Variants in OPRK1 observed in about 807,000 individuals in gnomAD.
OPRK1 encodes the protein opioid receptor kappa 1.
OPRK1 carries 15 observed loss-of-function variants against 24.5 expected under a neutral mutation model. The ratio of observed to expected loss-of-function variants is 0.61; its 90% CI spans 0.41 to 0.94. The LOEUF is 0.94. OPRK1 is among the 40% of genes least tolerant of loss of function. OPRK1 has a pLI of 0.00. For synonymous variants in OPRK1, 205 were observed against 198.0 expected, an observed-to-expected ratio of 1.04 and a Z score of -0.30; for missense variants, 479 against 507.3, an observed-to-expected ratio of 0.94 and a Z score of 0.54.
At position 53,250,997 on chromosome 8, in the gene OPRK1, G is replaced by A; in HGVS notation, c.41C>T (p.Pro14Leu). Residue 14 changes from proline (P) to leucine (L), a missense_variant, in exon 2 of 4, where the codon CCT (proline) becomes CTT (leucine). Pro to Leu is a moderately conservative substitution (Grantham distance 98). Transcript: ENST00000265572. ...PIQIFRGEPG[P>L]TCAPSACLPP... ...CAGGCAGGCGCTCGGGGCGCAGGTAGGGCCCGGCTCCCCGCGGAAGATCTG... is the reference window on the plus strand; with the variant it reads ...CAGGCAGGCGCTCGGGGCGCAGGTAAGGCCCGGCTCCCCGCGGAAGATCTG... 1 of 1,584,344 alleles carries A rather than the reference G, an allele frequency of 6.3e-7. No individual in the cohort carries two copies. Among genetic ancestry groups the A allele is most frequent in the Non-Finnish European group, 8.6e-7 (1 of 1,167,148 alleles).
chr8:53,238,518 C>T (rs1307812630), intron 2 of OPRK1: 1 of 985,358 alleles, frequency 1.0e-6, no homozygotes, highest in Non-Finnish European at 1.2e-6. Flanking sequence ...GAGGGCTTAC[C>T]TGGGGAACTT....
At chr8:53,249,349 GTCTTT>G (rs1382550461) in intron 2 of OPRK1, among the ~76,000 whole-genome samples, 3 of 152,134 alleles carry the variant, frequency 2.0e-5, no homozygotes, top group African/African-American at 7.2e-5. Context: ...GAATACAGTT[GTCTTT>G]TCTTTTGTCT....
chr8:53,234,205 C>CAAAAAAAAAAAAAAAAAAAAAAAAA (rs1554519153), intron 3 of OPRK1, among the ~76,000 whole-genome samples: 2 of 84,330 alleles, frequency 2.4e-5, no homozygotes, highest in African/African-American at 7.6e-5. Flanking sequence ...AAAAAAAAAT[C>CAAAAAAAAAAAAAAAAAAAAAAAAA]AGTTGGCTGG....
intron 1 of OPRK1, 27 bp from the exon 2 acceptor site, chr8:53,251,112 CGCG>C: frequency 7.1e-7 from 1 of 1,413,928 alleles, no homozygotes; most frequent in Non-Finnish European, 9.2e-7. Flanking sequence ...ACCGGCTGGA[CGCG>C]GAGAGGCAAA....
intron 2 of OPRK1, among the ~76,000 whole-genome samples, chr8:53,247,990 CAAAAAA>C (rs767911838): frequency 1.9e-4 from 6 of 32,342 alleles, no homozygotes; most frequent in Non-Finnish European, 2.9e-4. Flanking sequence ...GATTCTGTCT[CAAAAAA>C]AAAAAAAAAA....
At chr8:53,238,638 A>C in intron 2 of OPRK1, 1 of 985,382 alleles carries the variant, frequency 1.0e-6, no homozygotes. Flanking sequence ...ATCCTAGCGT[A>C]CTTCTCTTTA....
At chr8:53,237,313 T>C (rs1328242982) in intron 2 of OPRK1, among the ~76,000 whole-genome samples, 1 of 152,206 alleles carries the variant, frequency 6.6e-6, no homozygotes, top group Non-Finnish European at 1.5e-5. Context: ...TACTGTAAAA[T>C]GTAATGTGCA....
rs1288879206 is a variant in OPRK1, at chr8:53,229,758, T to C, written c.682A>G (p.Ile228Val). The change falls in exon 4 of 4, where the codon ATC (isoleucine) becomes GTC (valine). Residue 228 changes from isoleucine (I) to valine (V), a missense_variant. Transcript: ENST00000265572. ...DYSWWDLFMK[I>V]CVFIFAFVIP... is the part of the protein sequence containing the mutation. Reference sequence around the variant, plus strand: ...ACGAAGGCAAAGATGAAGACGCAGATCTTCATGAAGAGGTCCCACCAGGAG... The same window carrying C: ...ACGAAGGCAAAGATGAAGACGCAGACCTTCATGAAGAGGTCCCACCAGGAG... 1 of 1,613,348 alleles carries C rather than the reference T, an allele frequency of 6.2e-7. No individual in the cohort carries two copies. The highest frequency in any genetic ancestry group is 2.2e-5 in the East Asian group (1 of 44,850).
intron 2 of OPRK1, among the ~76,000 whole-genome samples, chr8:53,239,486 G>C (rs1203431620): frequency 6.6e-6 from 1 of 152,192 alleles, no homozygotes; most frequent in Admixed American, 6.5e-5. Flanking sequence ...CTGGTTCAGG[G>C]TTCCTGCTGA....
At chr8:53,236,125 C>A (rs181134428) in intron 2 of OPRK1, among the ~76,000 whole-genome samples, 29 of 152,276 alleles carry the variant, frequency 1.9e-4, no homozygotes, top group African/African-American at 5.1e-4. Flanking sequence ...CCATTTGATA[C>A]ATGAATTTCC....
rs369987880 is a variant in OPRK1, at chr8:53,235,382, T to C, written c.258-271A>G. ...TAGCAGAGATAGATGAATAGACATATAGATCTAGCATTGCATATAATACAG... is the reference window on the plus strand; with the variant it reads ...TAGCAGAGATAGATGAATAGACATACAGATCTAGCATTGCATATAATACAG... On this transcript the variant is annotated intron_variant, in intron 2 of 3. Coordinates refer to ENST00000265572, the MANE Select transcript of OPRK1 (RefSeq NM_000912.5). Among the ~76,000 whole-genome samples, 7 of 152,360 alleles carry C rather than the reference T, an allele frequency of 4.6e-5. No homozygotes were observed. In the East Asian group the frequency reaches 1.3e-3, roughly 29 times the overall value.
chr8:53,250,475 GC>G (rs1434750273), intron 2 of OPRK1, among the ~76,000 whole-genome samples: 1 of 152,146 alleles, frequency 6.6e-6, no homozygotes, highest in Non-Finnish European at 1.5e-5. Context: ...CTGGCACCTT[GC>G]CCTGCGCATA....
intron 2 of OPRK1, among the ~76,000 whole-genome samples, chr8:53,248,733 T>C (rs1443654247): frequency 4.6e-5 from 7 of 152,236 alleles, no homozygotes; most frequent in Admixed American, 4.6e-4. Flanking sequence ...AACCTTTTAC[T>C]TGTGAAGACC....
chr8:53,242,512 T>TA (rs1388422657), intron 2 of OPRK1: 9 of 160,768 alleles, frequency 5.6e-5, no homozygotes, highest in Non-Finnish European at 1.1e-4. Flanking sequence ...CATTCTTTTT[T>TA]TATTTATTTT....
intron 2 of OPRK1, among the ~76,000 whole-genome samples, chr8:53,247,990 CAAAAAAAAAAAAA>C (rs767911838): frequency 4.3e-4 from 14 of 32,364 alleles, no homozygotes; most frequent in Non-Finnish European, 4.6e-4. Flanking sequence ...GATTCTGTCT[CAAAAAAAAAAAAA>C]AAAAAAAAAA....
intron 3 of OPRK1, among the ~76,000 whole-genome samples, chr8:53,234,514 A>G (rs1017187217): frequency 6.6e-6 from 1 of 152,194 alleles, no homozygotes; most frequent in African/African-American, 2.4e-5. Flanking sequence ...TCTACTAAAC[A>G]TTGCCAGAAT....
rs1012884607 is a variant in OPRK1, at chr8:53,234,641, T to C, written c.610+118A>G. On this transcript the variant is annotated intron_variant, in intron 3 of 3. Coordinates refer to ENST00000265572, the MANE Select transcript of OPRK1 (RefSeq NM_000912.5). ...ATCTTCCATGGATTTAGGCACTACA[T>C]TTCCGTCGTCTTTTGGCATCGATTT... 6 of 850,116 alleles carry C rather than the reference T, an allele frequency of 7.1e-6. No homozygotes were observed. In the Admixed American group the frequency reaches 1.0e-4, roughly 14 times the overall value. 52.7% of individuals were successfully genotyped at this position (850,116 alleles called of 1,614,324 possible). A position where few individuals can be genotyped will look rare whatever the true frequency, so the allele number is the denominator to read the frequency against.
intron 2 of OPRK1, among the ~76,000 whole-genome samples, chr8:53,243,778 A>G (rs7840304): frequency 0.1 from 15,201 of 152,296 alleles, 830 homozygotes; most frequent in South Asian, 0.18. Context: ...GAAAATGTTT[A>G]AAGACAGGAT....
intron 2 of OPRK1, among the ~76,000 whole-genome samples, chr8:53,240,125 C>T (rs373986573): frequency 5.1e-4 from 77 of 152,070 alleles, no homozygotes; most frequent in South Asian, 8.3e-4. Context: ...AAATACTACC[C>T]CTCAATGGAC....
Sources: gnomAD v4.1 joint callset for allele counts (sites outside exome capture counted in the v4.1 genomes callset) on GRCh38, gnomAD v4.1.1 for gene constraint, MANE v1.5 for transcripts, NCBI Gene and HGNC (gene_info 2026-07-23, HGNC 2026-07-21) for gene names.